The following ELAPOR1 variants were observed in gnomAD, a reference collection of about 807,000 sequenced individuals.
ELAPOR1 encodes the protein endosome/lysosome-associated apoptosis and autophagy regulator 1.
In ELAPOR1, 77 loss-of-function variants were observed where a neutral mutation model predicts 119.7. That is an observed-to-expected ratio of 0.64 (90% CI 0.54 to 0.78). ELAPOR1 has a LOEUF of 0.78. Among genes scored for constraint, ELAPOR1 ranks in the 30% least tolerant of loss-of-function variants. ELAPOR1 has a pLI of 0.00. For missense variants in ELAPOR1, 1,115 were observed against 1,270.4 expected, an observed-to-expected ratio of 0.88 and a Z score of 1.86; for synonymous variants, 481 against 487.2, an observed-to-expected ratio of 0.99 and a Z score of 0.17.
chr1:109,120,360 G>A (rs1254293895), intron 1 of ELAPOR1, among the ~76,000 whole-genome samples: 1 of 151,752 alleles, frequency 6.6e-6, no homozygotes, highest in Non-Finnish European at 1.5e-5. Context: ...TCACGCCACT[G>A]TACTCCAGCC....
At chr1:109,144,141 C>A (rs1177886440) in intron 1 of ELAPOR1, among the ~76,000 whole-genome samples, 1 of 144,470 alleles carries the variant, frequency 6.9e-6, no homozygotes, top group African/African-American at 2.6e-5. Context: ...CTCACCGCAA[C>A]CTCCACTTCC....
At position 109,160,637 on chromosome 1, in the gene ELAPOR1, G is replaced by A. The variant is rs545077481; in HGVS notation, c.154-1257G>A. 1.2e-3 allele frequency among the ~76,000 whole-genome samples: 185 copies of A among 152,278 alleles called. 1 individual carries two copies. Among genetic ancestry groups the A allele is most frequent in the Non-Finnish European group, 2.1e-3 (141 of 68,036 alleles). On this transcript the variant is annotated intron_variant, in intron 1 of 21. Coordinates refer to ENST00000369939, the MANE Select transcript of ELAPOR1 (RefSeq NM_020775.5). Reference sequence around the variant, plus strand: ...GTATTTTTTGTCTTAGCTCCTTGACGTTATACATGTTATGCAATCAGGCTA... The same window carrying A: ...GTATTTTTTGTCTTAGCTCCTTGACATTATACATGTTATGCAATCAGGCTA...
chr1:109,144,140 A>G (rs1421478704), intron 1 of ELAPOR1, among the ~76,000 whole-genome samples: 1 of 139,980 alleles, frequency 7.1e-6, no homozygotes, highest in African/African-American at 2.7e-5. Flanking sequence ...GCTCACCGCA[A>G]CCTCCACTTC....
chr1:109,151,872 CTTTTT>C (rs550341597), intron 1 of ELAPOR1, among the ~76,000 whole-genome samples: 7 of 121,118 alleles, frequency 5.8e-5, no homozygotes, highest in Non-Finnish European at 5.2e-5. Context: ...CAGCCTCATC[CTTTTT>C]TTTTTTTTTT....
In ELAPOR1 at chr1:109,189,058, T is replaced by C; in HGVS notation, c.1220-8T>C. 1 of 1,612,808 alleles carries C rather than the reference T, an allele frequency of 6.2e-7. No individual in the cohort carries two copies. The stretch of plus-strand genomic sequence containing the variant: ...CTGAATGCATGGATCTTGTTTGTGG[T>C]TCCCCAGACTGTACCCGCTGCCCTG... On this transcript the variant is annotated splice_polypyrimidine_tract_variant and splice_region_variant and intron_variant, in intron 9 of 21. Transcript: ENST00000369939.
intron 1 of ELAPOR1, among the ~76,000 whole-genome samples, chr1:109,142,664 A>C (rs539776893): frequency 4.5e-4 from 69 of 152,362 alleles, no homozygotes; most frequent in African/African-American, 1.7e-3. Flanking sequence ...AGTGTGGTTG[A>C]GGATGTGGAG....
At chr1:109,150,292 G>A (rs149896486) in intron 1 of ELAPOR1, among the ~76,000 whole-genome samples, 99 of 152,256 alleles carry the variant, frequency 6.5e-4, no homozygotes, top group African/African-American at 2.3e-3. Flanking sequence ...AATAGAAGCT[G>A]GAAAGCCAGA....
chr1:109,172,024 G>T lies in ELAPOR1; in HGVS notation c.615+11G>T, dbSNP rs777989568. On this transcript the variant is annotated intron_variant, in intron 4 of 21. Transcript: ENST00000369939. ...ATCTTTGAGTTTTTCGTAAGCCCCT[G>T]GCCAAGGTGGAGGGTGGGAGCTAAA... 1.2e-6 allele frequency: 2 copies of T among 1,614,036 alleles called. No homozygotes were observed. The highest frequency in any genetic ancestry group is 2.7e-5 in the African/African-American group (2 of 74,920).
intron 1 of ELAPOR1, among the ~76,000 whole-genome samples, chr1:109,121,181 T>C (rs1206415517): frequency 6.6e-6 from 1 of 152,154 alleles, no homozygotes; most frequent in Non-Finnish European, 1.5e-5. Context: ...AGTTTCCTTC[T>C]TGTTGTCCAG....
chr1:109,193,564 A>T (rs1036255594), intron 14 of ELAPOR1, among the ~76,000 whole-genome samples: 4 of 152,210 alleles, frequency 2.6e-5, no homozygotes, highest in African/African-American at 7.2e-5. Context: ...AAACTAATAA[A>T]TAAATAAAGT....
intron 1 of ELAPOR1, among the ~76,000 whole-genome samples, chr1:109,144,315 G>C (rs535411805): frequency 1.1e-3 from 164 of 151,594 alleles, no homozygotes; most frequent in African/African-American, 3.6e-3. Flanking sequence ...GCCTCCCAAA[G>C]TGCTGAGATT....
At chr1:109,128,345 G>T (rs1648928184) in intron 1 of ELAPOR1, among the ~76,000 whole-genome samples, 1 of 152,180 alleles carries the variant, frequency 6.6e-6, no homozygotes, top group Non-Finnish European at 1.5e-5. Context: ...CATGCTAATT[G>T]GGGCATCCTT....
At chr1:109,139,930 C>T (rs1649725038) in intron 1 of ELAPOR1, among the ~76,000 whole-genome samples, 2 of 152,018 alleles carry the variant, frequency 1.3e-5, no homozygotes, top group Admixed American at 1.3e-4. Context: ...TGCCACCACT[C>T]CTGGCTAATT....
chr1:109,154,184 G>A (rs1277206772), intron 1 of ELAPOR1, among the ~76,000 whole-genome samples: 7 of 151,036 alleles, frequency 4.6e-5, no homozygotes, highest in African/African-American at 1.7e-4. Flanking sequence ...GGGAGGTTGA[G>A]GCAGGAGAAT....
At chr1:109,153,615 G>GTT (rs1650669590) in intron 1 of ELAPOR1, among the ~76,000 whole-genome samples, 1 of 123,422 alleles carries the variant, frequency 8.1e-6, no homozygotes, top group African/African-American at 2.8e-5. Flanking sequence ...ACTTGTGGCA[G>GTT]GTGTTTTGTT....
At chr1:109,127,215 CTTTTTTT>C (rs371961969) in intron 1 of ELAPOR1, among the ~76,000 whole-genome samples, 5 of 129,040 alleles carry the variant, frequency 3.9e-5, no homozygotes, top group African/African-American at 5.7e-5. Context: ...TTTTTCTTTT[CTTTTTTT>C]TTTTTTTTTT....
At chr1:109,127,349 GGAC>G (rs1328836029) in intron 1 of ELAPOR1, among the ~76,000 whole-genome samples, 1,645 of 151,018 alleles carry the variant, frequency 0.011, 28 homozygotes, top group African/African-American at 0.038. Flanking sequence ...CAAGTAGCTG[GGAC>G]TACAGGTGCA....
Position 109,188,500 on chromosome 1 carries a change from A to G in ELAPOR1, c.1219+146A>G, listed in dbSNP as rs867447541. 25 of 890,932 alleles carry G rather than the reference A, an allele frequency of 2.8e-5. No homozygotes were observed. The South Asian group carries it at 4.1e-4, about 14-fold the overall frequency. 55.2% of individuals were successfully genotyped at this position (890,932 alleles called of 1,614,324 possible). On this transcript the variant is annotated intron_variant, in intron 9 of 21. Transcript: ENST00000369939. The stretch of plus-strand genomic sequence containing the variant: ...GGACCAGGCCACCTTTGAGGACTAA[A>G]TTCAGGAGAAGAGAGGTCAGGGCTG...
intron 1 of ELAPOR1, among the ~76,000 whole-genome samples, chr1:109,118,256 G>C (rs930296352): frequency 4.6e-5 from 7 of 152,220 alleles, no homozygotes; most frequent in Non-Finnish European, 1.0e-4. Context: ...CTAGATAGAG[G>C]GAGGAGCTTG....
Sources: allele counts gnomAD v4.1 joint callset (sites outside exome capture counted in the v4.1 genomes callset), GRCh38; gene constraint gnomAD v4.1.1; transcripts MANE v1.5; gene names NCBI Gene and HGNC (gene_info 2026-07-23, HGNC 2026-07-21).